Variants in TRAPPC10 observed in about 807,000 individuals in gnomAD.
The protein encoded by TRAPPC10 is TRAPP 130 kDa subunit.
In TRAPPC10, 23 loss-of-function variants were observed where a neutral mutation model predicts 125.5. The ratio of observed to expected loss-of-function variants is 0.18; its 90% CI spans 0.13 to 0.26. The LOEUF (loss-of-function observed/expected upper bound fraction) is 0.26, where lower values mean the gene tolerates loss of function less well. Ranked by LOEUF, TRAPPC10 falls within the 10% of genes least tolerant of loss-of-function variation. TRAPPC10 has a pLI of 1.00. For missense variants in TRAPPC10, 1,123 were observed against 1,308.4 expected (o/e 0.86, Z 2.19); for synonymous variants, 509 against 518.0 (o/e 0.98, Z 0.24).
rs967029676 is a variant in TRAPPC10 at position 44,031,957 on chromosome 21, G to A, written c.68-134G>A. ...TGAGACGTGTTATGTAGAGGCACAGGTACAGAAGAATCTTGCGATATCGCT... is the reference window on the plus strand; with the variant it reads ...TGAGACGTGTTATGTAGAGGCACAGATACAGAAGAATCTTGCGATATCGCT... On this transcript the variant is annotated intron_variant, in intron 1 of 22. Transcript: ENST00000291574. The A allele has an allele frequency of 4.1e-6, 3 of 725,676 alleles. No homozygotes were observed. The Admixed American group carries it at 6.8e-5, about 16-fold the overall frequency. The allele number at this position is 725,676 out of a possible 1,614,324, so 45.0% of individuals were successfully genotyped here.
At chr21:44,039,001 A>G (rs2034204580) in intron 3 of TRAPPC10, among the ~76,000 whole-genome samples, 1 of 152,192 alleles carries the variant, frequency 6.6e-6, no homozygotes. Flanking sequence ...TGAGAAGGAC[A>G]CTGTCCCTGG....
Position 44,052,350 on chromosome 21 carries a change from G to A in TRAPPC10, c.356G>A (p.Ser119Asn), listed in dbSNP as rs369188812. The change falls in exon 4 of 23, where the codon AGC becomes AAC. Residue 119 changes from serine to asparagine, a missense_variant. Coordinates refer to ENST00000291574, the MANE Select transcript of TRAPPC10 (RefSeq NM_003274.5). ...TKWQNVLKAH[S>N]SVDWLIVIVE... ...TGGCAGAATGTTCTGAAGGCTCATA[G>A]CTCTGTGGACTGGTTAATAGTGATA... 1.2e-5 allele frequency: 19 copies of A among 1,613,516 alleles called. No homozygotes were observed. The highest frequency in any genetic ancestry group is 1.4e-5 in the Non-Finnish European group (16 of 1,179,902).
At chr21:44,089,437 A>G in intron 17 of TRAPPC10, 1 of 419,588 alleles carries the variant, frequency 2.4e-6, no homozygotes, top group South Asian at 1.6e-5. Flanking sequence ...CTGATTGGCT[A>G]ATGTCATCTG....
In TRAPPC10 at chr21:44,082,408, G is replaced by A. The variant is rs1235721964; in HGVS notation, c.1724-380G>A. ...CAGGGCACTTGGGCATCTTCACTGA[G>A]CATGTTTTTAAGTAGGTGAGAAAAT... On this transcript the variant is annotated intron_variant, in intron 13 of 22. Transcript: ENST00000291574. The surrounding 1 kb of genome is among the most constrained non-coding windows in gnomAD (Gnocchi z 4.4). Among the ~76,000 whole-genome samples the A allele has an allele frequency of 6.6e-6, 1 of 152,194 alleles. No individual in the cohort carries two copies. Among genetic ancestry groups the A allele is most frequent in the Non-Finnish European group, 1.5e-5 (1 of 68,036 alleles).
At chr21:44,026,217 C>T (rs1258749629) in intron 1 of TRAPPC10, among the ~76,000 whole-genome samples, 1 of 152,024 alleles carries the variant, frequency 6.6e-6, no homozygotes, top group Non-Finnish European at 1.5e-5. Flanking sequence ...CCTGCCCCCA[C>T]CCCCGACTGC....
chr21:44,044,494 C>T (rs1167190937), intron 3 of TRAPPC10, among the ~76,000 whole-genome samples: 1 of 151,854 alleles, frequency 6.6e-6, no homozygotes, highest in Non-Finnish European at 1.5e-5. Flanking sequence ...TTACTTGATG[C>T]GTGATATAAG....
intron 20 of TRAPPC10, 137 bp downstream of exon 20, chr21:44,094,370 G>C (rs2038787208): frequency 1.2e-6 from 1 of 858,538 alleles, no homozygotes; most frequent in African/African-American, 1.7e-5. Flanking sequence ...AGTTGTTGGG[G>C]TAGTTGAATC....
chr21:44,052,562 C>A, intron 4 of TRAPPC10, 86 bp downstream of exon 4: 1 of 1,288,866 alleles, frequency 7.8e-7, no homozygotes, highest in Non-Finnish European at 1.1e-6. Flanking sequence ...TAAATATTTA[C>A]TCAGCAATCT....
intron 9 of TRAPPC10, 78 bp from the exon 10 acceptor site, chr21:44,076,474 G>A: frequency 8.9e-7 from 1 of 1,121,164 alleles, no homozygotes; most frequent in Non-Finnish European, 1.4e-6. Flanking sequence ...TCTACCTGCA[G>A]TATGTGAAGG....
intron 4 of TRAPPC10, 97 bp from the exon 5 acceptor site, chr21:44,055,593 AGGAGGAGG>A: frequency 2.0e-5 from 16 of 802,704 alleles, no homozygotes; most frequent in South Asian, 1.0e-4. Context: ...AAAAAAAAAA[AGGAGGAGG>A]AAGGAAGAAA....
At chr21:44,051,765 C>T (rs532447510) in intron 3 of TRAPPC10, among the ~76,000 whole-genome samples, 1 of 152,316 alleles carries the variant, frequency 6.6e-6, no homozygotes, top group African/African-American at 2.4e-5. Flanking sequence ...GGGGTGGTTC[C>T]CAGGGGTACA....
intron 3 of TRAPPC10, 116 bp downstream of exon 3, chr21:44,038,043 C>T (rs1348088736): frequency 1.3e-5 from 17 of 1,348,038 alleles, no homozygotes; most frequent in Admixed American, 2.1e-5. Flanking sequence ...GTTGGAGATG[C>T]GTGGAGAGTG....
At chr21:44,030,293 A>G (rs2033460231) in intron 1 of TRAPPC10, among the ~76,000 whole-genome samples, 1 of 152,072 alleles carries the variant, frequency 6.6e-6, no homozygotes, top group African/African-American at 2.4e-5. Flanking sequence ...AACCAAGTGG[A>G]AGAGGAGAAA....
At chr21:44,055,348 G>C (rs1431434893) in intron 4 of TRAPPC10, among the ~76,000 whole-genome samples, 1 of 152,124 alleles carries the variant, frequency 6.6e-6, no homozygotes, top group African/African-American at 2.4e-5. Flanking sequence ...CCAGCACTTT[G>C]AGAGGCCGAG....
At chr21:44,073,441 A>T (rs546460168) in intron 7 of TRAPPC10, among the ~76,000 whole-genome samples, 1 of 152,212 alleles carries the variant, frequency 6.6e-6, no homozygotes, top group Non-Finnish European at 1.5e-5. Context: ...TGATTAAGAG[A>T]AACATTCCTA....
intron 1 of TRAPPC10, among the ~76,000 whole-genome samples, chr21:44,022,154 G>C (rs1178721792): frequency 2.0e-5 from 3 of 151,142 alleles, no homozygotes; most frequent in Non-Finnish European, 4.4e-5. Context: ...TGTTGCCCAA[G>C]CTGGAGTGCA....
Position 44,050,805 on chromosome 21 carries a change from A to G in TRAPPC10, c.286-1475A>G, listed in dbSNP as rs138647147. Among the ~76,000 whole-genome samples, 12 of 152,392 alleles carry G rather than the reference A, an allele frequency of 7.9e-5. No homozygotes were observed. In the East Asian group the frequency reaches 2.3e-3, roughly 29 times the overall value. ...ATATTTGTAATTTAAATCAGGACATAGCAGTTTTTAAAATCAGGATACAAA... is the reference window on the plus strand; with the variant it reads ...ATATTTGTAATTTAAATCAGGACATGGCAGTTTTTAAAATCAGGATACAAA... On this transcript the variant is annotated intron_variant, in intron 3 of 22. Transcript: ENST00000291574.
intron 1 of TRAPPC10, among the ~76,000 whole-genome samples, chr21:44,027,888 G>A (rs1181382306): frequency 6.6e-6 from 1 of 152,096 alleles, no homozygotes; most frequent in Non-Finnish European, 1.5e-5. Flanking sequence ...CCACGTGAGG[G>A]CACAGCAAGA....
Position 44,082,085 on chromosome 21 carries a change from C to T in TRAPPC10, c.1724-703C>T, listed in dbSNP as rs887176595. Among the ~76,000 whole-genome samples, 2 of 152,194 alleles carry T rather than the reference C, an allele frequency of 1.3e-5. No individual in the cohort carries two copies. The highest frequency in any genetic ancestry group is 1.9e-4 in the East Asian group (1 of 5,200). On this transcript the variant is annotated intron_variant, in intron 13 of 22. Transcript: ENST00000291574. This position sits in a 1 kb window ranked among gnomAD's most constrained non-coding sequence, Gnocchi z 4.4. ...CTATACGAATAAAATATTCCACAAT[C>T]GTTTACTGTTTCTCATGATCTATGG...
Sources: gnomAD v4.1 joint callset for allele counts (sites outside exome capture counted in the v4.1 genomes callset) on GRCh38, gnomAD v4.1.1 for gene constraint, Gnocchi (gnomAD v3.1) non-coding constraint, MANE v1.5 for transcripts, NCBI Gene and HGNC (gene_info 2026-07-23, HGNC 2026-07-21) for gene names.